Variants in GPHN observed in about 807,000 individuals in gnomAD.
The protein encoded by GPHN is gephyrin.
Under a neutral mutation model 95.5 loss-of-function variants are expected in GPHN, and 17 were observed. The observed-to-expected ratio is 0.18, with a 90% CI of 0.12 to 0.27. GPHN has a LOEUF of 0.27. Ranked by LOEUF, GPHN falls within the 10% of genes least tolerant of loss-of-function variation. GPHN has a pLI of 1.00. For missense variants in GPHN, 660 were observed against 978.1 expected (o/e 0.67, Z 4.34); for synonymous variants, 320 against 322.5 (o/e 0.99, Z 0.08).
In GPHN at chr14:66,568,138, T is replaced by A. The variant is rs770067240; in HGVS notation, c.64+59547T>A. ...ATTTTAATTAGATGAGAATAACTAA[T>A]TTATTTTTCATTAGTGGTGTTATTA... is the stretch of plus-strand genomic sequence containing the variant. On this transcript the variant is annotated intron_variant, in intron 1 of 22. Transcript: ENST00000478722. 5.3e-5 allele frequency among the ~76,000 whole-genome samples: 8 copies of A among 152,358 alleles called. No individual in the cohort carries two copies. The Middle Eastern group carries it at 0.014, about 259-fold the overall frequency.
chr14:66,978,233 G>T (rs2070396347), intron 9 of GPHN, among the ~76,000 whole-genome samples: 1 of 152,192 alleles, frequency 6.6e-6, no homozygotes, highest in African/African-American at 2.4e-5. Flanking sequence ...GCTGCTGAAG[G>T]CTGGTGTGGC....
chr14:67,351,911 C>CAAAAAAAAAAAAAAAAAAA, the GPHN span, among the ~76,000 whole-genome samples: 2 of 128,090 alleles, frequency 1.6e-5, no homozygotes, highest in East Asian at 2.7e-4. Context: ...GAACCTCTAC[C>CAAAAAAAAAAAAAAAAAAA]AAAAAAAAAA....
At chr14:66,566,948 CA>C (rs2060485120) in intron 1 of GPHN, among the ~76,000 whole-genome samples, 1 of 152,080 alleles carries the variant, frequency 6.6e-6, no homozygotes, top group Non-Finnish European at 1.5e-5. Flanking sequence ...ATACAGTAAC[CA>C]AAAGACGTGG....
intron 16 of GPHN, among the ~76,000 whole-genome samples, chr14:67,115,557 A>G (rs545259878): frequency 1.8e-3 from 281 of 152,204 alleles, no homozygotes; most frequent in African/African-American, 6.3e-3. Context: ...ACATGGTGAA[A>G]CCCTGTCTGT....
chr14:67,420,369 A>G, the GPHN span, among the ~76,000 whole-genome samples: 6 of 152,184 alleles, frequency 3.9e-5, no homozygotes, highest in Non-Finnish European at 5.9e-5. Flanking sequence ...AGCCCTAACA[A>G]TATCCAAGGC....
the GPHN span, chr14:67,360,566 C>T: frequency 9.8e-6 from 2 of 204,090 alleles, no homozygotes; most frequent in African/African-American, 2.3e-5. Context: ...TTTCCCGTCC[C>T]TGCGCGGGAA....
chr14:67,496,396 T>TTTTTG, the GPHN span, among the ~76,000 whole-genome samples: 2 of 117,026 alleles, frequency 1.7e-5, no homozygotes, highest in Non-Finnish European at 3.6e-5. Context: ...CCGGCGTTTT[T>TTTTTG]TTTTTTTTTT....
chr14:67,674,589 C>A, the GPHN span: 1 of 976,730 alleles, frequency 1.0e-6, no homozygotes, highest in Non-Finnish European at 1.4e-6. Flanking sequence ...ATAACGGCGA[C>A]CGCCGCACCA....
rs192619430 is a variant in GPHN, at chr14:66,564,732, A to T, written c.64+56141A>T. ...TTCCAGGTCACTGTGAGGTAGGTAT[A>T]GTAAGATTTTGTGTGTGTGCGTGTG... On this transcript the variant is annotated intron_variant, in intron 1 of 22. Transcript: ENST00000478722. Among the ~76,000 whole-genome samples, 335 of 152,284 alleles carry T rather than the reference A, an allele frequency of 2.2e-3. 7 individuals are homozygous for T. Among genetic ancestry groups the T allele is most frequent in the Admixed American group, 0.022 (332 of 15,274 alleles).
chr14:67,504,968 A>G, the GPHN span, among the ~76,000 whole-genome samples: 2 of 152,206 alleles, frequency 1.3e-5, no homozygotes, highest in Non-Finnish European at 2.9e-5. Flanking sequence ...TGTTGCTTTT[A>G]TGATTTCCCA....
At chr14:67,624,417 G>C in the GPHN span, among the ~76,000 whole-genome samples, 1 of 152,208 alleles carries the variant, frequency 6.6e-6, no homozygotes, top group South Asian at 2.1e-4. Context: ...AAAGAAAAGA[G>C]GTTTAATTGA....
chr14:67,338,630 T>C, the GPHN span: 1 of 1,613,554 alleles, frequency 6.2e-7, no homozygotes, highest in Non-Finnish European at 8.5e-7. Flanking sequence ...ATTATTCAAA[T>C]AGAAGATCCT....
At chr14:66,777,878 A>G (rs1175831282) in intron 3 of GPHN, among the ~76,000 whole-genome samples, 13 of 152,214 alleles carry the variant, frequency 8.5e-5, no homozygotes, top group South Asian at 8.3e-4. Flanking sequence ...TACTGAATGG[A>G]CAAAAACTGG....
chr14:66,748,920 A>G (rs901817898), intron 2 of GPHN, among the ~76,000 whole-genome samples: 2 of 151,902 alleles, frequency 1.3e-5, no homozygotes, highest in Non-Finnish European at 2.9e-5. Context: ...AGCATTTCAG[A>G]TTTCAGATTT....
At position 66,778,338 on chromosome 14, in the gene GPHN, A is replaced by G. The variant is rs117997512; in HGVS notation, c.201+1817A>G. 3.2e-3 allele frequency among the ~76,000 whole-genome samples: 490 copies of G among 152,326 alleles called. 1 individual carries two copies. Among genetic ancestry groups the G allele is most frequent in the South Asian group, 6.0e-3 (29 of 4,816 alleles). ...TGAAATAGTAACAGTCTTTTAGTAC[A>G]TATTTTTCTGGGTTCCTTTGAAAAC... On this transcript the variant is annotated intron_variant, in intron 3 of 22. Coordinates refer to ENST00000478722, the MANE Select transcript of GPHN (RefSeq NM_020806.5).
chr14:67,075,230 T>C (rs374420153), intron 11 of GPHN, among the ~76,000 whole-genome samples: 10 of 152,334 alleles, frequency 6.6e-5, no homozygotes, highest in African/African-American at 2.4e-4. Flanking sequence ...CTTCCCTCCC[T>C]GTGCTCTATA....
the GPHN span, among the ~76,000 whole-genome samples, chr14:67,595,193 C>T: frequency 6.6e-6 from 1 of 152,062 alleles, no homozygotes; most frequent in African/African-American, 2.4e-5. Context: ...TACAGTTGGG[C>T]AAATCATGTA....
At chr14:67,080,267 TTTG>T (rs200510493) in intron 11 of GPHN, among the ~76,000 whole-genome samples, 4,113 of 152,176 alleles carry the variant, frequency 0.027, 61 homozygotes, top group Middle Eastern at 0.034. Flanking sequence ...CATGTGATTT[TTTG>T]TTGTTGAGTT....
chr14:67,452,300 T>C, the GPHN span, among the ~76,000 whole-genome samples: 1 of 145,202 alleles, frequency 6.9e-6, no homozygotes, highest in Non-Finnish European at 1.5e-5. Flanking sequence ...TCCAGCCTGC[T>C]GGGTGACAGA....
Sources: gnomAD v4.1 joint callset for allele counts (sites outside exome capture counted in the v4.1 genomes callset) on GRCh38, gnomAD v4.1.1 for gene constraint, MANE v1.5 for transcripts, NCBI Gene and HGNC (gene_info 2026-07-23, HGNC 2026-07-21) for gene names.